RRP7A: variants seen among roughly 807,000 people sequenced by gnomAD.
RRP7A encodes ribosomal RNA-processing protein 7 homolog A.
A neutral mutation model predicts 38.4 loss-of-function variants in RRP7A; 27 were observed. The ratio of observed to expected loss-of-function variants is 0.70; its 90% CI spans 0.52 to 0.97. The LOEUF is 0.97. RRP7A is among the 50% of genes least tolerant of loss of function. The pLI is 0.00. For synonymous variants in RRP7A, 124 were observed against 150.3 expected, an observed-to-expected ratio of 0.83 and a Z score of 1.28; for missense variants, 327 against 375.4, an observed-to-expected ratio of 0.87 and a Z score of 1.07.
Position 42,516,094 on chromosome 22 carries a change from A to C in RRP7A, c.259T>G (p.Ser87Ala). 1.2e-6 allele frequency: 2 copies of C among 1,613,768 alleles called. No individual in the cohort carries two copies. Among genetic ancestry groups the C allele is most frequent in the Non-Finnish European group, 1.7e-6 (2 of 1,179,834 alleles). The change falls in exon 3 of 7, where the codon TCT (serine) becomes GCT (alanine). Residue 87 changes from serine to alanine, a missense_variant. Physicochemically the swap from Ser to Ala is moderately conservative, Grantham distance 99 (BLOSUM62 1). Coordinates refer to ENST00000323013, the MANE Select transcript of RRP7A (RefSeq NM_015703.5). ...TCCGGCTTCTCCTGCAACTCTACAG[A>C]CTGGACGAGGCCACAGGTGGACAGG... ...RLLSTCGLVQ[S>A]VELQEKPDLA...
In RRP7A at chr22:42,512,908, G is replaced by GCTCA; in HGVS notation, c.841_*1dup. 1 of 1,612,902 alleles carries GCTCA rather than the reference G, an allele frequency of 6.2e-7. No homozygotes were observed. The highest frequency in any genetic ancestry group is 8.5e-7 in the Non-Finnish European group (1 of 1,179,286). On this transcript the variant is annotated 3_prime_UTR_variant, in exon 7 of 7. Transcript: ENST00000323013. ...CCAGCCATTCACTGCGGCTCTCACAGCTCAGTACGGTCGGAATTTGCGCTG... is the reference window on the plus strand; with the variant it reads ...CCAGCCATTCACTGCGGCTCTCACAGCTCACTCAGTACGGTCGGAATTTGCGCTG...
intron 3 of RRP7A, among the ~76,000 whole-genome samples, 159 bp downstream of exon 3, chr22:42,515,852 C>T (rs1202767104): frequency 8.5e-5 from 13 of 152,220 alleles, no homozygotes; most frequent in Non-Finnish European, 4.4e-5. Flanking sequence ...GGCAAAGAAT[C>T]GCAGGCTTTG....
rs758065206 is a variant in RRP7A at position 42,516,247 on chromosome 22, A to G, written c.217-111T>C. On this transcript the variant is annotated intron_variant, in intron 2 of 6. Transcript: ENST00000323013. Reference sequence around the variant, plus strand: ...TCCAGCGCCGCTGAAGGACTCAGCCACAGCCACATCTGCCCAAGCCGGGAG... The same window carrying G: ...TCCAGCGCCGCTGAAGGACTCAGCCGCAGCCACATCTGCCCAAGCCGGGAG... 1.5e-5 allele frequency: 22 copies of G among 1,453,240 alleles called. No homozygotes were observed. The South Asian group carries it at 2.6e-4, about 17-fold the overall frequency. 90.0% of individuals were successfully genotyped at this position (1,453,240 alleles called of 1,614,324 possible).
In RRP7A at chr22:42,513,034, G is replaced by A. The variant is rs376079084; in HGVS notation, c.758-39C>T. On this transcript the variant is annotated intron_variant, in intron 6 of 6. Coordinates refer to ENST00000323013, the MANE Select transcript of RRP7A (RefSeq NM_015703.5). The stretch of plus-strand genomic sequence containing the variant: ...GAGGCGCGGGGCAGGGTCAGACAGC[G>A]CGCCCCGGGGAAGCTGGCTTGCTCA... The A allele has an allele frequency of 1.2e-4, 192 of 1,562,736 alleles. 1 individual carries two copies. The African/African-American group carries it at 1.8e-3, about 14-fold the overall frequency.
At position 42,514,128 on chromosome 22, in the gene RRP7A, C is replaced by G; in HGVS notation, c.735G>C (p.Gln245His). ...RKELLNFYAW[Q>H]HRESKMEHLA... ...TACGCTCCATCTTGCTCTCTCGATGCTGCCAGGCGTAGAAGTTGAGCAGCT... is the reference window on the plus strand; with the variant it reads ...TACGCTCCATCTTGCTCTCTCGATGGTGCCAGGCGTAGAAGTTGAGCAGCT... The change falls in exon 6 of 7, where the codon CAG becomes CAC. Residue 245 changes from glutamine (Q) to histidine (H), a missense_variant. Gln to His is a conservative substitution (Grantham distance 24). This residue lies in a region of RRP7A where 84 missense variants were observed against 82.8 expected (regional missense o/e 1.01). Transcript: ENST00000323013. The G allele has an allele frequency of 6.2e-7, 1 of 1,613,288 alleles. No individual in the cohort carries two copies. Among genetic ancestry groups the G allele is most frequent in the South Asian group, 1.1e-5 (1 of 90,982 alleles).
At chr22:42,517,299 A>AAATG (rs1340016735) in intron 2 of RRP7A, among the ~76,000 whole-genome samples, 1 of 147,180 alleles carries the variant, frequency 6.8e-6, no homozygotes, top group Non-Finnish European at 1.5e-5. Context: ...TTAAATAAAT[A>AAATG]AATAAATAAA....
intron 6 of RRP7A, 136 bp downstream of exon 6, chr22:42,513,970 C>G (rs920149137): frequency 7.1e-5 from 53 of 747,808 alleles, no homozygotes; most frequent in Non-Finnish European, 1.1e-4. Flanking sequence ...GAGTCTGGTG[C>G]GAGCCCCGTG....
Position 42,510,925 on chromosome 22 carries a change from A to G in RRP7A, c.*1985T>C, listed in dbSNP as rs1932439311. The G allele has an allele frequency of 2.1e-6, 1 of 466,402 alleles. No homozygotes were observed. The highest frequency in any genetic ancestry group is 8.2e-5 in the South Asian group (1 of 12,126). The allele number at this position is 466,402 out of a possible 1,614,324, so 28.9% of individuals were successfully genotyped here. A position where few individuals can be genotyped will look rare whatever the true frequency, so the allele number is the denominator to read the frequency against. On this transcript the variant is annotated 3_prime_UTR_variant, in exon 7 of 7. Transcript: ENST00000323013. ...CACATGTAATCAGAATTTAAGAAAC[A>G]GAGACCTTTGGTGGGGAGGTTCTTT...
intron 2 of RRP7A, among the ~76,000 whole-genome samples, chr22:42,517,027 C>G: frequency 6.6e-6 from 1 of 152,058 alleles, no homozygotes; most frequent in Non-Finnish European, 1.5e-5. Context: ...CATGTAATCC[C>G]AGCACGTTGG....
rs180852690 is a variant in RRP7A, at chr22:42,512,166, G to A, written c.*744C>T. On this transcript the variant is annotated 3_prime_UTR_variant, in exon 7 of 7. Transcript: ENST00000323013. The stretch of plus-strand genomic sequence containing the variant: ...AGGCAATCACTGTGTCCACATGAGC[G>A]AACCCCAGCACGTGGCCAGTATCAT... 139 of 1,594,094 alleles carry A rather than the reference G, an allele frequency of 8.7e-5. No individual in the cohort carries two copies. Among genetic ancestry groups the A allele is most frequent in the African/African-American group, 8.4e-4 (63 of 74,602 alleles).
In RRP7A at chr22:42,509,023, T is replaced by C. The variant is rs1569257393; in HGVS notation, c.*3887A>G. On this transcript the variant is annotated 3_prime_UTR_variant, in exon 7 of 7. Coordinates refer to ENST00000323013, the MANE Select transcript of RRP7A (RefSeq NM_015703.5). ...CGAGAATTCACCATGTTTTTGTCTC[T>C]GCAGGCAGAGAACAGCATTGACTTC... The C allele has an allele frequency of 1.2e-6, 2 of 1,611,740 alleles. No individual in the cohort carries two copies. Among genetic ancestry groups the C allele is most frequent in the East Asian group, 4.5e-5 (2 of 44,882 alleles).
rs1311571405 is a variant in RRP7A, at chr22:42,514,751, C to T, written c.489G>A (p.Val163=). Residue 163 remains valine, a synonymous_variant, in exon 5 of 7, where the codon GTG becomes GTA. Transcript: ENST00000323013. Reference sequence around the variant, plus strand: ...CCACCCTCAGGGCCTCAGGGTCGGGCACAGAGTCTGCGTAGTCACTGATCC... The same window carrying T: ...CCACCCTCAGGGCCTCAGGGTCGGGTACAGAGTCTGCGTAGTCACTGATCC... The part of the protein sequence containing the change: ...HKWISDYADS[V]PDPEALRVEV... The T allele has an allele frequency of 1.2e-6, 2 of 1,611,604 alleles. No individual in the cohort carries two copies. The highest frequency in any genetic ancestry group is 1.1e-5 in the South Asian group (1 of 90,830).
At chr22:42,518,730 T>C (rs985409381) in intron 1 of RRP7A, 2 of 470,852 alleles carry the variant, frequency 4.2e-6, no homozygotes, top group African/African-American at 4.0e-5. Context: ...GTCTGGAGGC[T>C]ATATTGATGA....
chr22:42,515,017 T>G, intron 4 of RRP7A, 134 bp downstream of exon 4: 1 of 613,732 alleles, frequency 1.6e-6, no homozygotes. Flanking sequence ...CCCATGGTCC[T>G]CCTGCCCAGG....
chr22:42,518,721 T>C, intron 1 of RRP7A: 1 of 470,942 alleles, frequency 2.1e-6, no homozygotes, highest in South Asian at 1.5e-5. Flanking sequence ...CTCTTAACAG[T>C]CTGGAGGCTA....
chr22:42,515,291 G>A, intron 3 of RRP7A, 23 bp from the exon 4 acceptor site: 3 of 1,057,584 alleles, frequency 2.8e-6, no homozygotes, highest in Non-Finnish European at 4.2e-6. Context: ...AGATGTCAGA[G>A]GTTGGGGGCT....
Position 42,512,972 on chromosome 22 carries a change from A to G in RRP7A, c.781T>C (p.Phe261Leu), listed in dbSNP as rs1932516123. The change falls in exon 7 of 7, where the codon TTC (phenylalanine) becomes CTC (leucine). Residue 261 changes from phenylalanine (F) to leucine (L), a missense_variant. By Grantham distance (22) the Phe-to-Leu change is conservative (BLOSUM62 0). Coordinates refer to ENST00000323013, the MANE Select transcript of RRP7A (RefSeq NM_015703.5). Reference sequence around the variant, plus strand: ...TCGATCCTCTGCTTGTCCTCCTCGAACTTCTTGCGCAGCTGCGCTAGATCT... The same window carrying G: ...TCGATCCTCTGCTTGTCCTCCTCGAGCTTCTTGCGCAGCTGCGCTAGATCT... ...MEHLAQLRKK[F>L]EEDKQRIELL... 2 of 1,612,950 alleles carry G rather than the reference A, an allele frequency of 1.2e-6. No homozygotes were observed. Among genetic ancestry groups the G allele is most frequent in the Middle Eastern group, 1.7e-4 (1 of 6,040 alleles).
chr22:42,519,073 G>C (rs1485652140), intron 1 of RRP7A, among the ~76,000 whole-genome samples: 6 of 148,676 alleles, frequency 4.0e-5, no homozygotes, highest in East Asian at 1.9e-4. Flanking sequence ...AAACCCAGAG[G>C]GGGGAAAAAG....
In RRP7A at chr22:42,515,967, C is replaced by A. The variant is rs372855422; in HGVS notation, c.342+44G>T. 4 of 1,554,062 alleles carry A rather than the reference C, an allele frequency of 2.6e-6. No homozygotes were observed. In the African/African-American group the frequency reaches 5.5e-5, roughly 21 times the overall value. ...TCCCCCAACACACTGGGGACAGTGC[C>A]CCACCCCCCTCACTCTAGTGGAACC... On this transcript the variant is annotated intron_variant, in intron 3 of 6. Coordinates refer to ENST00000323013, the MANE Select transcript of RRP7A (RefSeq NM_015703.5).
Sources: allele counts gnomAD v4.1 joint callset (sites outside exome capture counted in the v4.1 genomes callset), GRCh38; gene constraint gnomAD v4.1.1; regional missense constraint gnomAD v4.1.1; transcripts MANE v1.5; gene names NCBI Gene and HGNC (gene_info 2026-07-23, HGNC 2026-07-21).